The following IL1RAPL1 variants were observed in gnomAD, a reference collection of about 807,000 sequenced individuals.
IL1RAPL1 encodes interleukin-1 receptor accessory protein-like 1.
In IL1RAPL1, 3 loss-of-function variants were observed where a neutral mutation model predicts 48.4. The ratio of observed to expected loss-of-function variants is 0.06; its 90% confidence interval spans 0.03 to 0.16. The LOEUF is 0.16. IL1RAPL1 is among the 10% of genes least tolerant of loss of function. The pLI is 1.00. For synonymous variants in IL1RAPL1, 185 were observed against 187.7 expected, an observed-to-expected ratio of 0.99 and a Z score of 0.12; for missense variants, 349 against 530.6, an observed-to-expected ratio of 0.66 and a Z score of 3.36.
chrX:29,547,824 C>T (rs1329129526), intron 5 of IL1RAPL1, among the ~76,000 whole-genome samples: 4 of 111,804 alleles, frequency 3.6e-5, no homozygotes, highest in African/African-American at 1.3e-4. Flanking sequence ...TAATCTGTGT[C>T]GAGAACAAGT....
intron 2 of IL1RAPL1, among the ~76,000 whole-genome samples, chrX:29,097,376 T>A (rs1928237690): frequency 8.9e-6 from 1 of 111,956 alleles, no homozygotes; most frequent in Admixed American, 9.5e-5. Context: ...AAAAAAGAGG[T>A]TCTGATTCAG....
At chrX:29,872,041 G>T (rs1931810194) in intron 6 of IL1RAPL1, among the ~76,000 whole-genome samples, 1 of 109,800 alleles carries the variant, frequency 9.1e-6, no homozygotes, top group African/African-American at 3.5e-5. Context: ...CTTTTTCTAA[G>T]TTAGTTATAA....
rs946279907 is a variant in IL1RAPL1 at position 29,255,232 on chromosome X, A to T, written c.83-27706A>T. Among the ~76,000 whole-genome samples the T allele has an allele frequency of 2.8e-5, 3 of 107,802 alleles. No homozygotes were observed. The Admixed American group carries it at 3.0e-4, about 11-fold the overall frequency. 93.6% of individuals were successfully genotyped at this position (107,802 alleles called of 115,157 possible). On this transcript the variant is annotated intron_variant, in intron 2 of 10. Coordinates refer to ENST00000378993, the MANE Select transcript of IL1RAPL1 (RefSeq NM_014271.4). ...TCTAGGTTTCCTAGTTTGGAGCAGA[A>T]TTCTATATTTTTCTTGTTTTATGCC...
chrX:29,038,141 C>T (rs1234164645), intron 2 of IL1RAPL1, among the ~76,000 whole-genome samples: 5 of 111,539 alleles, frequency 4.5e-5, no homozygotes, highest in Non-Finnish European at 9.4e-5. Context: ...GACTTCATGG[C>T]GCATCAAGTA....
At chrX:29,519,213 G>A (rs1456036518) in intron 5 of IL1RAPL1, among the ~76,000 whole-genome samples, 2 of 111,677 alleles carry the variant, frequency 1.8e-5, no homozygotes, top group Admixed American at 1.9e-4. Context: ...TCTTCAAATA[G>A]AGATGTGGAG....
At chrX:29,353,282 C>T (rs1317759615) in intron 3 of IL1RAPL1, among the ~76,000 whole-genome samples, 1 of 110,978 alleles carries the variant, frequency 9.0e-6, no homozygotes, top group Non-Finnish European at 1.9e-5. Context: ...TAAATGAAGC[C>T]AAGAAGGGGT....
rs753557678 is a variant in IL1RAPL1 at position 29,363,083 on chromosome X, G to T, written c.363-33175G>T. On this transcript the variant is annotated intron_variant, in intron 3 of 10. Transcript: ENST00000378993. ...AAATTAGACAGTCTGGTTCCAGAGG[G>T]TGTGTTCTTAACCACCGTGCTGTGA... Among the ~76,000 whole-genome samples the T allele has an allele frequency of 4.5e-5, 5 of 111,709 alleles. No individual in the cohort carries two copies. In the East Asian group the frequency reaches 1.1e-3, roughly 25 times the overall value.
chrX:29,656,702 T>A (rs952552398), intron 5 of IL1RAPL1, among the ~76,000 whole-genome samples: 1 of 111,049 alleles, frequency 9.0e-6, no homozygotes, highest in Admixed American at 9.7e-5. Flanking sequence ...TGTAGGCTAG[T>A]TCCATATTTT....
chrX:28,655,022 C>T (rs1010371255), intron 1 of IL1RAPL1, among the ~76,000 whole-genome samples: 2 of 110,942 alleles, frequency 1.8e-5, no homozygotes, highest in South Asian at 3.8e-4. Context: ...TGGGAGGAGT[C>T]GGGATGGAAA....
intron 1 of IL1RAPL1, among the ~76,000 whole-genome samples, chrX:28,634,397 G>T (rs776589019): frequency 9.3e-6 from 1 of 107,893 alleles, no homozygotes; most frequent in Non-Finnish European, 1.9e-5. Context: ...ACGTATATAC[G>T]TATACACGTA....
intron 6 of IL1RAPL1, among the ~76,000 whole-genome samples, chrX:29,678,950 C>T (rs983766109): frequency 2.7e-5 from 3 of 111,511 alleles, no homozygotes; most frequent in African/African-American, 9.8e-5. Context: ...CCTTCCACTT[C>T]TCCCCAGTGA....
chrX:29,814,448 A>G (rs1368783368), intron 6 of IL1RAPL1, among the ~76,000 whole-genome samples: 1 of 110,983 alleles, frequency 9.0e-6, no homozygotes, highest in Non-Finnish European at 1.9e-5. Context: ...TGTCTATTCA[A>G]TTGTTTAAGT....
chrX:28,979,718 A>G (rs1925284555), intron 2 of IL1RAPL1, among the ~76,000 whole-genome samples: 1 of 112,259 alleles, frequency 8.9e-6, no homozygotes, highest in Non-Finnish European at 1.9e-5. Flanking sequence ...CACACTGAAT[A>G]TGTATTTCAG....
At chrX:29,190,464 T>C (rs17282584) in intron 2 of IL1RAPL1, among the ~76,000 whole-genome samples, 7,319 of 112,083 alleles carry the variant, frequency 0.065, 281 homozygotes, top group Non-Finnish European at 0.1. Context: ...CTTATGTTGG[T>C]GTTAAGGATT....
At chrX:29,719,743 C>CAAAAAAAAAA (rs372308075) in intron 6 of IL1RAPL1, among the ~76,000 whole-genome samples, 1 of 21,896 alleles carries the variant, frequency 4.6e-5, no homozygotes, top group African/African-American at 1.3e-4. Context: ...GAAAGATGAG[C>CAAAAAAAAAA]AAAAAAAAAA....
intron 6 of IL1RAPL1, among the ~76,000 whole-genome samples, chrX:29,887,291 A>T (rs1025889509): frequency 1.8e-5 from 2 of 112,479 alleles, no homozygotes; most frequent in African/African-American, 6.4e-5. Context: ...ACATTGTTCA[A>T]CTGTTTTGTA....
chrX:29,224,485 T>TA (rs1931042107), intron 2 of IL1RAPL1, among the ~76,000 whole-genome samples: 1 of 111,625 alleles, frequency 9.0e-6, no homozygotes, highest in Non-Finnish European at 1.9e-5. Flanking sequence ...TTGCACTTGT[T>TA]TGTATAGTTT....
rs971813911 is a variant in IL1RAPL1, at chrX:29,087,133, A to T, written c.83-195805A>T. On this transcript the variant is annotated intron_variant, in intron 2 of 10. Transcript: ENST00000378993. The stretch of plus-strand genomic sequence containing the variant: ...GACATGACAGAGGACATTATTTAAA[A>T]ATTTTTTTTTTTTTTTTTTTTTTGA... Among the ~76,000 whole-genome samples the T allele has an allele frequency of 1.6e-3, 167 of 102,137 alleles. 1 individual carries two copies. The highest frequency in any genetic ancestry group is 5.6e-3 in the African/African-American group (145 of 25,947). The allele number at this position is 102,137 out of a possible 115,157, so 88.7% of individuals were successfully genotyped here.
intron 2 of IL1RAPL1, among the ~76,000 whole-genome samples, chrX:29,280,845 A>G (rs1041882523): frequency 8.9e-6 from 1 of 111,932 alleles, no homozygotes; most frequent in Non-Finnish European, 1.9e-5. Flanking sequence ...GGCCTCTCTG[A>G]GGAGGTGATA....
Sources: allele counts gnomAD v4.1 joint callset (sites outside exome capture counted in the v4.1 genomes callset), GRCh38; gene constraint gnomAD v4.1.1; transcripts MANE v1.5; gene names NCBI Gene and HGNC (gene_info 2026-07-23, HGNC 2026-07-21).